FARP1: variants seen among roughly 807,000 people sequenced by gnomAD.
The protein encoded by FARP1 is FERM, ARHGEF and pleckstrin domain-containing protein 1.
In FARP1, 52 loss-of-function variants were observed where a neutral mutation model predicts 128.8. The observed-to-expected ratio is 0.40, with a 90% CI of 0.32 to 0.51. FARP1 has a LOEUF of 0.51. Among genes scored for constraint, FARP1 ranks in the 20% least tolerant of loss-of-function variants. The pLI, the probability that FARP1 is intolerant of heterozygous loss-of-function variation, is 0.45. For missense variants in FARP1, 1,333 were observed against 1,367.9 expected (o/e 0.97, Z 0.40); for synonymous variants, 580 against 551.8 (o/e 1.05, Z -0.72).
chr13:98,398,463 C>G (rs563900038), intron 13 of FARP1: 3 of 152,340 alleles, frequency 2.0e-5, no homozygotes, highest in South Asian at 2.1e-4. Flanking sequence ...AAAGCTGAAA[C>G]TGTAACCTCG....
chr13:98,331,887 AATAGTAATAGCTTC>A (rs1197959537), intron 2 of FARP1: 1 of 152,160 alleles, frequency 6.6e-6, no homozygotes, highest in Non-Finnish European at 1.5e-5. Context: ...TTTTGCGCCT[AATAGTAATAGCTTC>A]ATCTGTTGAA....
chr13:98,365,074 A>G (rs1173637321), intron 3 of FARP1, among the ~76,000 whole-genome samples: 3 of 152,274 alleles, frequency 2.0e-5, no homozygotes, highest in Non-Finnish European at 4.4e-5. Context: ...ATAGTCACAA[A>G]TGAAATCATT....
In FARP1 at chr13:98,431,088, C is replaced by G; in HGVS notation, c.1951C>G (p.Leu651Val). ...GAAGCACAGCGAGGCCTTGGAGGCCCTGGAGAATGGAATCAAGAGCTCCCG... is the reference window on the plus strand; with the variant it reads ...GAAGCACAGCGAGGCCTTGGAGGCCGTGGAGAATGGAATCAAGAGCTCCCG... ...LWKHSEALEA[L>V]ENGIKSSRRL... is the part of the protein sequence containing the mutation. The change falls in exon 18 of 27, where the codon CTG becomes GTG. Residue 651 changes from leucine (L) to valine (V), a missense_variant. Physicochemically the swap from Leu to Val is conservative, Grantham distance 32. Transcript: ENST00000319562. The G allele has an allele frequency of 6.2e-7, 1 of 1,614,156 alleles. No homozygotes were observed. The highest frequency in any genetic ancestry group is 8.5e-7 in the Non-Finnish European group (1 of 1,180,014).
In FARP1 at chr13:98,378,945, A is replaced by ATAATATATG. The variant is rs1555341990; in HGVS notation, c.496+1035_496+1036insGTAATATAT. On this transcript the variant is annotated intron_variant, in intron 6 of 26. Transcript: ENST00000319562. The stretch of plus-strand genomic sequence containing the variant: ...AATATATACAATATATAATCTATAT[A>ATAATATATG]TAATATATATATAATATATACAATA... Among the ~76,000 whole-genome samples, 70 of 91,892 alleles carry ATAATATATG rather than the reference A, an allele frequency of 7.6e-4. 20 individuals are homozygous for ATAATATATG. In the South Asian group the frequency reaches 0.026, roughly 34 times the overall value. The allele number at this position is 91,892 out of a possible 152,430, so 60.3% of individuals were successfully genotyped here. A position where few individuals can be genotyped will look rare whatever the true frequency, so the allele number is the denominator to read the frequency against.
At chr13:98,213,581 G>C (rs1176968665) in intron 2 of FARP1, among the ~76,000 whole-genome samples, 168 bp downstream of exon 2, 1 of 152,036 alleles carries the variant, frequency 6.6e-6, no homozygotes, top group Non-Finnish European at 1.5e-5. Context: ...TTCTGGTTTC[G>C]AGCTCTCCAG....
chr13:98,365,348 C>G (rs760521780), intron 3 of FARP1, 47 bp from the exon 4 acceptor site: 6 of 1,447,486 alleles, frequency 4.1e-6, no homozygotes, highest in Non-Finnish European at 4.8e-6. Flanking sequence ...TACTTGCACT[C>G]TTTCATTGAG....
chr13:98,443,766 G>C (rs1156550563), intron 24 of FARP1, among the ~76,000 whole-genome samples: 1 of 152,260 alleles, frequency 6.6e-6, no homozygotes, highest in African/African-American at 2.4e-5. Flanking sequence ...GCAAAGCAAT[G>C]CAAGTTGTCT....
chr13:98,449,657 CGT>C lies in FARP1; in HGVS notation c.*1345_*1346del, dbSNP rs1239977744. 1.3e-5 allele frequency: 2 copies of C among 152,568 alleles called. No individual in the cohort carries two copies. Among genetic ancestry groups the C allele is most frequent in the Non-Finnish European group, 2.9e-5 (2 of 68,040 alleles). The allele number at this position is 152,568 out of a possible 1,614,324, so 9.5% of individuals were successfully genotyped here. On this transcript the variant is annotated 3_prime_UTR_variant, in exon 27 of 27. Transcript: ENST00000319562. ...ACTTGCAAACGGACGAAGAGCCTGC[CGT>C]GTGTTAATCATTTGCCTTACAAGAT...
intron 21 of FARP1, 32 bp from the exon 22 acceptor site, chr13:98,439,929 C>T (rs1249768112): frequency 3.4e-6 from 5 of 1,465,500 alleles, no homozygotes; most frequent in East Asian, 2.3e-5. Context: ...CATCACGTGC[C>T]TCATGGTGAC....
Position 98,256,632 on chromosome 13 carries a change from T to G in FARP1, c.171+43219T>G, listed in dbSNP as rs559483834. On this transcript the variant is annotated intron_variant, in intron 2 of 26. Coordinates refer to ENST00000319562, the MANE Select transcript of FARP1 (RefSeq NM_005766.4). ...TGGAGTGCAGTGGCGTGATCTCAGTTCACTGCAACCTCCACCTCCCAGGTT... is the reference window on the plus strand; with the variant it reads ...TGGAGTGCAGTGGCGTGATCTCAGTGCACTGCAACCTCCACCTCCCAGGTT... Among the ~76,000 whole-genome samples, 4 of 151,898 alleles carry G rather than the reference T, an allele frequency of 2.6e-5. No homozygotes were observed. The East Asian group carries it at 7.7e-4, about 29-fold the overall frequency.
chr13:98,186,220 C>T (rs2139218507), intron 1 of FARP1, among the ~76,000 whole-genome samples: 1 of 152,304 alleles, frequency 6.6e-6, no homozygotes, highest in Admixed American at 6.5e-5. Context: ...GATTCTCCTG[C>T]CTCAGCCTCC....
intron 2 of FARP1, among the ~76,000 whole-genome samples, chr13:98,275,608 C>G (rs1188239073): frequency 6.7e-6 from 1 of 149,584 alleles, no homozygotes; most frequent in Non-Finnish European, 1.5e-5. Flanking sequence ...ATGGTCCCCC[C>G]ACTTCTTTTC....
intron 1 of FARP1, among the ~76,000 whole-genome samples, chr13:98,155,458 C>T (rs909216761): frequency 6.6e-6 from 1 of 151,828 alleles, no homozygotes; most frequent in Non-Finnish European, 1.5e-5. Flanking sequence ...TGGCTAGCTT[C>T]TCCCAGAGTG....
intron 1 of FARP1, among the ~76,000 whole-genome samples, chr13:98,155,707 C>T (rs760150042): frequency 7.2e-5 from 11 of 152,094 alleles, no homozygotes; most frequent in South Asian, 2.1e-4. Context: ...TTTGTAGAGA[C>T]GGGAGTCTCA....
chr13:98,393,781 G>T, intron 12 of FARP1, 63 bp downstream of exon 12: 2 of 1,270,096 alleles, frequency 1.6e-6, no homozygotes, highest in Non-Finnish European at 2.3e-6. Flanking sequence ...ACGGAGCCCT[G>T]GGCTTCAGAG....
chr13:98,296,929 C>T (rs1262925316), intron 2 of FARP1, among the ~76,000 whole-genome samples: 1 of 152,162 alleles, frequency 6.6e-6, no homozygotes, highest in Non-Finnish European at 1.5e-5. Context: ...AAGTGATCCT[C>T]CTACCTTGGC....
intron 2 of FARP1, chr13:98,329,981 G>C (rs1230338976): frequency 6.6e-6 from 1 of 152,314 alleles, no homozygotes; most frequent in Non-Finnish European, 1.5e-5. Context: ...AGCAGAATCA[G>C]GGATGGAGGT....
intron 2 of FARP1, among the ~76,000 whole-genome samples, chr13:98,255,314 A>C (rs183420209): frequency 4.8e-3 from 736 of 152,258 alleles, no homozygotes; most frequent in South Asian, 0.013. Flanking sequence ...CCTGGCTAAC[A>C]TGGTGAAACC....
intron 2 of FARP1, among the ~76,000 whole-genome samples, chr13:98,309,072 G>T (rs1350141401): frequency 6.7e-6 from 1 of 149,420 alleles, no homozygotes; most frequent in Non-Finnish European, 1.5e-5. Flanking sequence ...ATTTTGAAAT[G>T]GATCATTTTA....
Sources: allele counts gnomAD v4.1 joint callset (sites outside exome capture counted in the v4.1 genomes callset), GRCh38; gene constraint gnomAD v4.1.1; transcripts MANE v1.5; gene names NCBI Gene and HGNC (gene_info 2026-07-23, HGNC 2026-07-21).